The following PCDHGA2 variants were observed in gnomAD, a reference collection of about 807,000 sequenced individuals.
PCDHGA2 encodes protocadherin gamma-A2.
In PCDHGA2, 40 loss-of-function variants were observed where a neutral mutation model predicts 59.2. The observed-to-expected ratio is 0.68, with a 90% CI of 0.52 to 0.88. PCDHGA2 has a LOEUF of 0.88. Ranked by LOEUF, PCDHGA2 falls within the 40% of genes least tolerant of loss-of-function variation. The pLI is 0.00. For missense variants in PCDHGA2, 1,226 were observed against 1,204.0 expected, an observed-to-expected ratio of 1.02 and a Z score of -0.27; for synonymous variants, 560 against 526.0, an observed-to-expected ratio of 1.06 and a Z score of -0.89.
At chr5:141,407,767 G>T (rs1458257073) in intron 1 of PCDHGA2, among the ~76,000 whole-genome samples, 1 of 152,140 alleles carries the variant, frequency 6.6e-6, no homozygotes, top group Non-Finnish European at 1.5e-5. Context: ...GTTTGAAATT[G>T]TGCATAATAG....
intron 1 of PCDHGA2, chr5:141,423,869 T>A (rs1239422805): frequency 5.4e-6 from 7 of 1,285,484 alleles, no homozygotes; most frequent in Non-Finnish European, 6.9e-6. Flanking sequence ...TGAAAGTCAT[T>A]TTTCAATCTT....
intron 1 of PCDHGA2, chr5:141,346,524 C>T (rs1373597039): frequency 5.0e-6 from 8 of 1,588,144 alleles, no homozygotes; most frequent in Non-Finnish European, 6.0e-6. Flanking sequence ...AAAGCTTTAA[C>T]ACATATGTAT....
chr5:141,398,011 T>A lies in PCDHGA2; in HGVS notation c.2424+56616T>A, dbSNP rs531266866. On this transcript the variant is annotated intron_variant, in intron 1 of 3. Coordinates refer to ENST00000394576, the MANE Select transcript of PCDHGA2 (RefSeq NM_018915.4). ...CGCTTCCTCCTCGGAAAAAGAATCG[T>A]TTCCTAAACTGGAACTGGAACTAAA... The A allele has an allele frequency of 2.7e-5, 38 of 1,413,006 alleles. No homozygotes were observed. In the African/African-American group the frequency reaches 4.3e-4, roughly 16 times the overall value. 87.5% of individuals were successfully genotyped at this position (1,413,006 alleles called of 1,614,324 possible). A position where few individuals can be genotyped will look rare whatever the true frequency, so the allele number is the denominator to read the frequency against.
Position 141,489,712 on chromosome 5 carries a change from C to T in PCDHGA2, c.2425-5095C>T. On this transcript the variant is annotated intron_variant, in intron 1 of 3. Coordinates refer to ENST00000394576, the MANE Select transcript of PCDHGA2 (RefSeq NM_018915.4). The surrounding 1 kb of genome is among the most constrained non-coding windows in gnomAD (Gnocchi z 4.5). The stretch of plus-strand genomic sequence containing the variant: ...GGCACGATTCCCACTGGACAGTGCC[C>T]AGGATCCGGATGTGGGCACCAATAC... The T allele has an allele frequency of 6.2e-7, 1 of 1,614,162 alleles. No individual in the cohort carries two copies. The highest frequency in any genetic ancestry group is 1.1e-5 in the South Asian group (1 of 91,078).
chr5:141,405,265 C>T lies in PCDHGA2; in HGVS notation c.2424+63870C>T, dbSNP rs769240639. The T allele has an allele frequency of 4.3e-6, 7 of 1,614,106 alleles. No homozygotes were observed. In the Admixed American group the frequency reaches 1.2e-4, roughly 27 times the overall value. Reference sequence around the variant, plus strand: ...CAAGGAAGAGTCACCTGATCTTCCCCCAGCCCAACTATGCAGACACACTCA... The same window carrying T: ...CAAGGAAGAGTCACCTGATCTTCCCTCAGCCCAACTATGCAGACACACTCA... On this transcript the variant is annotated intron_variant, in intron 1 of 3. Coordinates refer to ENST00000394576, the MANE Select transcript of PCDHGA2 (RefSeq NM_018915.4).
chr5:141,462,646 A>G (rs1371582710), intron 1 of PCDHGA2, among the ~76,000 whole-genome samples: 1 of 137,316 alleles, frequency 7.3e-6, no homozygotes, highest in Non-Finnish European at 1.5e-5. Flanking sequence ...TTTCATTTCC[A>G]TCCTCAATTA....
At chr5:141,400,654 C>A in intron 1 of PCDHGA2, 1 of 1,142,176 alleles carries the variant, frequency 8.8e-7, no homozygotes, top group Non-Finnish European at 1.3e-6. Context: ...AGCTGTCCTA[C>A]CATTCTTTAA....
intron 1 of PCDHGA2, among the ~76,000 whole-genome samples, chr5:141,462,442 A>C (rs890167032): frequency 1.3e-5 from 2 of 152,150 alleles, no homozygotes; most frequent in African/African-American, 4.8e-5. Context: ...GCTTACACAC[A>C]ACTGTGTAAC....
intron 1 of PCDHGA2, chr5:141,415,014 C>T (rs747951360): frequency 1.2e-6 from 2 of 1,613,620 alleles, no homozygotes; most frequent in Non-Finnish European, 1.7e-6. Context: ...ACCGTCTGCT[C>T]AAGGCCAGCG....
chr5:141,373,848 C>A, intron 1 of PCDHGA2: 3 of 446,942 alleles, frequency 6.7e-6, no homozygotes, highest in Non-Finnish European at 7.9e-6. Flanking sequence ...GGACTCTAAG[C>A]GTCGCTGTTG....
chr5:141,477,504 A>T lies in PCDHGA2; in HGVS notation c.2425-17303A>T, dbSNP rs1396003792. Reference sequence around the variant, plus strand: ...CCACAATCTTCTCAATCTTCCTACGACGTTTACATTGAAGAAAACAACCTC... The same window carrying T: ...CCACAATCTTCTCAATCTTCCTACGTCGTTTACATTGAAGAAAACAACCTC... On this transcript the variant is annotated intron_variant, in intron 1 of 3. Coordinates refer to ENST00000394576, the MANE Select transcript of PCDHGA2 (RefSeq NM_018915.4). This position sits in a 1 kb window ranked among gnomAD's most constrained non-coding sequence, Gnocchi z 4.9. The T allele has an allele frequency of 4.3e-6, 7 of 1,613,982 alleles. No homozygotes were observed. In the Admixed American group the frequency reaches 8.3e-5, roughly 19 times the overall value.
chr5:141,389,144 T>C, intron 1 of PCDHGA2: 1 of 1,614,020 alleles, frequency 6.2e-7, no homozygotes, highest in Non-Finnish European at 8.5e-7. Flanking sequence ...ATATAACCGT[T>C]ACGGCAACAG....
Position 141,490,070 on chromosome 5 carries a change from T to C in PCDHGA2, c.2425-4737T>C, listed in dbSNP as rs2099695766. ...CCAGACGAGGGCACCAACGGCCAAC[T>C]AGACTATTCTTTTGGAGACCACACA... On this transcript the variant is annotated intron_variant, in intron 1 of 3. Transcript: ENST00000394576. The surrounding 1 kb of genome is among the most constrained non-coding windows in gnomAD (Gnocchi z 5.4). The C allele has an allele frequency of 6.2e-7, 1 of 1,614,198 alleles. No individual in the cohort carries two copies.
intron 1 of PCDHGA2, chr5:141,403,870 T>A: frequency 6.2e-7 from 1 of 1,613,498 alleles, no homozygotes; most frequent in African/African-American, 1.3e-5. Flanking sequence ...CAGCAAAAAG[T>A]CTAGATTATG....
intron 1 of PCDHGA2, chr5:141,398,164 AG>A (rs970849138): frequency 6.8e-7 from 1 of 1,481,390 alleles, no homozygotes; most frequent in African/African-American, 1.4e-5. Context: ...CCGGGCTGAG[AG>A]GCTGCCAGTG....
Position 141,431,559 on chromosome 5 carries a change from C to A in PCDHGA2, c.2425-63248C>A. On this transcript the variant is annotated intron_variant, in intron 1 of 3. Coordinates refer to ENST00000394576, the MANE Select transcript of PCDHGA2 (RefSeq NM_018915.4). The surrounding 1 kb of genome is among the most constrained non-coding windows in gnomAD (Gnocchi z 4.8). ...ACGCAGCTGCTTGTAGTCAACGCTA[C>A]CGACCCTGACGAAGGAGTCAATGCG... is the stretch of plus-strand genomic sequence containing the variant. 6.2e-7 allele frequency: 1 copy of A among 1,614,158 alleles called. No homozygotes were observed. The highest frequency in any genetic ancestry group is 8.5e-7 in the Non-Finnish European group (1 of 1,180,030).
At chr5:141,435,362 C>A (rs2097758711) in intron 1 of PCDHGA2, among the ~76,000 whole-genome samples, 1 of 152,120 alleles carries the variant, frequency 6.6e-6, no homozygotes, top group Admixed American at 6.6e-5. Flanking sequence ...AAAATTTTAT[C>A]ACTTAAATAT....
At chr5:141,417,532 T>C (rs2096129143) in intron 1 of PCDHGA2, 1 of 284,726 alleles carries the variant, frequency 3.5e-6, no homozygotes, top group African/African-American at 2.2e-5. Flanking sequence ...ACTCGTAGTT[T>C]AAAAAAAATT....
Position 141,339,630 on chromosome 5 carries a change from C to T in PCDHGA2, c.659C>T (p.Pro220Leu), listed in dbSNP as rs748369248. The change falls in exon 1 of 4, where the codon CCA becomes CTA. Residue 220 changes from proline (P) to leucine (L), a missense_variant. By Grantham distance (98) the Pro-to-Leu change is moderately conservative (BLOSUM62 -3). Coordinates refer to ENST00000394576, the MANE Select transcript of PCDHGA2 (RefSeq NM_018915.4). ...CTCGTGGCTTCTGATGGGGGTGACCCAGTGCTATCTGGCACCTCCCGCATC... is the reference window on the plus strand; with the variant it reads ...CTCGTGGCTTCTGATGGGGGTGACCTAGTGCTATCTGGCACCTCCCGCATC... ...LVLVASDGGD[P>L]VLSGTSRICV... 1.4e-5 allele frequency: 22 copies of T among 1,614,182 alleles called. No homozygotes were observed. The highest frequency in any genetic ancestry group is 1.7e-5 in the Non-Finnish European group (20 of 1,180,038).
Sources: gnomAD v4.1 joint callset for allele counts (sites outside exome capture counted in the v4.1 genomes callset) on GRCh38, gnomAD v4.1.1 for gene constraint, Gnocchi (gnomAD v3.1) non-coding constraint, MANE v1.5 for transcripts, NCBI Gene and HGNC (gene_info 2026-07-23, HGNC 2026-07-21) for gene names.